SNTG1: variants seen among roughly 807,000 people sequenced by gnomAD.
The protein encoded by SNTG1 is syntrophin gamma 1, also known as gamma-1-syntrophin.
SNTG1 carries 39 observed loss-of-function variants against 74.7 expected under a neutral mutation model. The ratio of observed to expected loss-of-function variants is 0.52; its 90% confidence interval spans 0.40 to 0.68. The LOEUF (loss-of-function observed/expected upper bound fraction) is 0.68, where lower values mean the gene tolerates loss of function less well. SNTG1 is among the 30% of genes least tolerant of loss of function. The pLI, the probability that SNTG1 is intolerant of heterozygous loss-of-function variation, is 0.00. For synonymous variants in SNTG1, 254 were observed against 217.1 expected (o/e 1.17, Z -1.49); for missense variants, 685 against 609.5 (o/e 1.12, Z -1.30).
In SNTG1 at chr8:50,125,678, C is replaced by A. The variant is rs1220583883; in HGVS notation, c.-102-46883C>A. Among the ~76,000 whole-genome samples, 3 of 102,766 alleles carry A rather than the reference C, an allele frequency of 2.9e-5. 1 individual carries two copies. The highest frequency in any genetic ancestry group is 6.9e-5 in the Non-Finnish European group (3 of 43,730). The allele number at this position is 102,766 out of a possible 152,430, so 67.4% of individuals were successfully genotyped here. On this transcript the variant is annotated intron_variant, in intron 1 of 18. Coordinates refer to ENST00000642720, the MANE Select transcript of SNTG1 (RefSeq NM_018967.5). Reference sequence around the variant, plus strand: ...GATAGAAGGAAAAGATGCACACTTGCTTTCCTGGGGCTCAGGTCTGCTGTG... The same window carrying A: ...GATAGAAGGAAAAGATGCACACTTGATTTCCTGGGGCTCAGGTCTGCTGTG...
At chr8:50,244,711 C>A (rs2086315125) in intron 2 of SNTG1, among the ~76,000 whole-genome samples, 1 of 152,094 alleles carries the variant, frequency 6.6e-6, no homozygotes, top group Admixed American at 6.6e-5. Context: ...ACCGCATCCA[C>A]AAATATATGA....
intron 3 of SNTG1, among the ~76,000 whole-genome samples, chr8:50,398,937 A>G (rs2092765259): frequency 6.6e-6 from 1 of 152,232 alleles, no homozygotes; most frequent in South Asian, 2.1e-4. Flanking sequence ...GTCTCAAGAA[A>G]AAAATAAAAT....
intron 1 of SNTG1, among the ~76,000 whole-genome samples, chr8:50,133,409 T>G (rs985460805): frequency 1.3e-5 from 2 of 152,126 alleles, no homozygotes; most frequent in African/African-American, 2.4e-5. Flanking sequence ...CTTACCCAAT[T>G]CCAAAGCCAC....
At chr8:50,365,842 C>T (rs2092093340) in intron 2 of SNTG1, among the ~76,000 whole-genome samples, 2 of 152,012 alleles carry the variant, frequency 1.3e-5, no homozygotes, top group Admixed American at 6.6e-5. Context: ...ATTTTAAAAG[C>T]TTATTAGTCT....
At chr8:50,401,737 G>A (rs2092808791) in intron 3 of SNTG1, among the ~76,000 whole-genome samples, 1 of 152,030 alleles carries the variant, frequency 6.6e-6, no homozygotes, top group African/African-American at 2.4e-5. Context: ...GGAGAAATAG[G>A]AGTGTGTTCC....
At chr8:50,541,924 T>C (rs2094350184) in intron 11 of SNTG1, among the ~76,000 whole-genome samples, 1 of 151,836 alleles carries the variant, frequency 6.6e-6, no homozygotes, top group South Asian at 2.1e-4. Context: ...GGAATACTTG[T>C]CTTTTTGTGC....
intron 11 of SNTG1, among the ~76,000 whole-genome samples, chr8:50,545,291 C>G (rs546356428): frequency 7.1e-4 from 108 of 151,182 alleles, no homozygotes; most frequent in Admixed American, 2.5e-3. Context: ...TGTAATGACC[C>G]TGATTCAGAT....
At chr8:50,292,971 G>A (rs1174454047) in intron 2 of SNTG1, among the ~76,000 whole-genome samples, 5 of 152,062 alleles carry the variant, frequency 3.3e-5, no homozygotes, top group Non-Finnish European at 7.4e-5. Flanking sequence ...CCTGAGGGAA[G>A]ACACAGTGGG....
chr8:50,299,604 A>G (rs376436981), intron 2 of SNTG1, among the ~76,000 whole-genome samples: 258 of 152,296 alleles, frequency 1.7e-3, no homozygotes, highest in African/African-American at 6.0e-3. Flanking sequence ...GAAATTGATC[A>G]AATTAATTAT....
At chr8:50,573,596 C>A (rs537343522) in intron 12 of SNTG1, among the ~76,000 whole-genome samples, 1 of 151,796 alleles carries the variant, frequency 6.6e-6, no homozygotes, top group South Asian at 2.1e-4. Context: ...TTAATTTTGA[C>A]AACAATATAG....
intron 11 of SNTG1, among the ~76,000 whole-genome samples, chr8:50,543,772 C>G (rs966947944): frequency 3.3e-5 from 5 of 151,534 alleles, no homozygotes; most frequent in Admixed American, 2.6e-4. Context: ...CCAAATTGCT[C>G]TCTAGAGTGA....
intron 1 of SNTG1, among the ~76,000 whole-genome samples, chr8:50,110,327 T>G (rs2080535459): frequency 6.6e-6 from 1 of 152,140 alleles, no homozygotes; most frequent in Non-Finnish European, 1.5e-5. Context: ...GCCCTCCCTT[T>G]TCTCAGGGGC....
intron 1 of SNTG1, among the ~76,000 whole-genome samples, chr8:50,002,082 T>C (rs779331662): frequency 1.3e-5 from 2 of 152,148 alleles, no homozygotes; most frequent in Non-Finnish European, 2.9e-5. Context: ...TAGACATATT[T>C]CATAATATTT....
chr8:50,525,981 G>A lies in SNTG1; in HGVS notation c.467-4196G>A, dbSNP rs117766161. On this transcript the variant is annotated intron_variant, in intron 9 of 18. Transcript: ENST00000642720. Reference sequence around the variant, plus strand: ...GACTTTTTCTAACTGATTACACACCGGAAAAGAACTTCACCAATCAGCCTG... The same window carrying A: ...GACTTTTTCTAACTGATTACACACCAGAAAAGAACTTCACCAATCAGCCTG... 3.9e-3 allele frequency among the ~76,000 whole-genome samples: 585 copies of A among 151,814 alleles called. 5 individuals are homozygous for A. The highest frequency in any genetic ancestry group is 6.6e-3 in the Non-Finnish European group (446 of 67,950).
At chr8:50,176,645 CAG>C (rs797002638) in intron 2 of SNTG1, among the ~76,000 whole-genome samples, 3 of 152,264 alleles carry the variant, frequency 2.0e-5, no homozygotes, top group African/African-American at 7.2e-5. Flanking sequence ...AGTTATATGA[CAG>C]GGAAGAAACG....
chr8:50,664,864 T>A (rs1308599497), intron 15 of SNTG1, among the ~76,000 whole-genome samples: 1 of 152,162 alleles, frequency 6.6e-6, no homozygotes, highest in Non-Finnish European at 1.5e-5. Context: ...TCATTCATAA[T>A]AGATGAGCAG....
At chr8:50,717,304 C>A (rs1186416851) in intron 17 of SNTG1, among the ~76,000 whole-genome samples, 2 of 152,036 alleles carry the variant, frequency 1.3e-5, no homozygotes, top group African/African-American at 2.4e-5. Context: ...GAATAACTGA[C>A]TTCAAACTTT....
At chr8:50,409,204 T>C (rs2092916944) in intron 4 of SNTG1, among the ~76,000 whole-genome samples, 1 of 152,196 alleles carries the variant, frequency 6.6e-6, no homozygotes, top group Non-Finnish European at 1.5e-5. Context: ...ATTTTAGTTA[T>C]GCAGAAAGTC....
At chr8:49,949,047 G>C (rs142172043) in intron 1 of SNTG1, among the ~76,000 whole-genome samples, 5 of 152,304 alleles carry the variant, frequency 3.3e-5, no homozygotes, top group African/African-American at 1.2e-4. Flanking sequence ...AGCTCCCTCA[G>C]GTTAAGTAGG....
Sources: allele counts gnomAD v4.1 joint callset (sites outside exome capture counted in the v4.1 genomes callset), GRCh38; gene constraint gnomAD v4.1.1; transcripts MANE v1.5; gene names NCBI Gene and HGNC (gene_info 2026-07-23, HGNC 2026-07-21).